The following PSMC1 variants were observed in gnomAD, a reference collection of about 807,000 sequenced individuals.
The protein encoded by PSMC1 is proteasome 26S subunit, ATPase 1, also known as 26S proteasome regulatory subunit 4.
PSMC1 carries 5 observed loss-of-function variants against 49.8 expected under a neutral mutation model. The ratio of observed to expected loss-of-function variants is 0.10; its 90% CI spans 0.05 to 0.21. The LOEUF (loss-of-function observed/expected upper bound fraction) is 0.21. Among genes scored for constraint, PSMC1 ranks in the 10% least tolerant of loss-of-function variants. PSMC1 has a pLI of 1.00. For synonymous variants in PSMC1, 155 were observed against 192.1 expected (o/e 0.81, Z 1.60); for missense variants, 181 against 535.7 (o/e 0.34, Z 6.54).
chr14:90,264,296 C>T (rs1009371159), intron 6 of PSMC1, 127 bp downstream of exon 6: 11 of 1,309,418 alleles, frequency 8.4e-6, no homozygotes, highest in African/African-American at 1.5e-5. Flanking sequence ...TCAGAGCTTG[C>T]CAGTTGTGGT....
intron 10 of PSMC1, 191 bp downstream of exon 10, chr14:90,270,543 A>T: frequency 1.7e-6 from 1 of 599,634 alleles, no homozygotes; most frequent in Non-Finnish European, 2.7e-6. Context: ...GCATCATTTT[A>T]TGCAGTGAAT....
chr14:90,267,979 T>C, intron 7 of PSMC1: 1 of 386,502 alleles, frequency 2.6e-6, no homozygotes. Context: ...TAAAAAGTAT[T>C]TTCTGACGTT....
At chr14:90,269,316 C>T in intron 8 of PSMC1, 81 bp from the exon 9 acceptor site, 1 of 1,253,328 alleles carries the variant, frequency 8.0e-7, no homozygotes, top group Non-Finnish European at 1.1e-6. Context: ...GGTGTTTTGT[C>T]ACAATGAGGT....
intron 1 of PSMC1, 104 bp downstream of exon 1, chr14:90,256,704 C>A: frequency 6.6e-7 from 1 of 1,508,078 alleles, no homozygotes; most frequent in Non-Finnish European, 9.0e-7. Flanking sequence ...TGGGACAGCC[C>A]TCTTCTCCTT....
Position 90,274,241 on chromosome 14 carries a change from G to C in PSMC1, c.*1834G>C, listed in dbSNP as rs1253712570. Reference sequence around the variant, plus strand: ...GGCAGGGTGAGGCTGGCATCCGTGTGGGGTGTATGTGCAGGGCTGGGGTGG... The same window carrying C: ...GGCAGGGTGAGGCTGGCATCCGTGTCGGGTGTATGTGCAGGGCTGGGGTGG... On this transcript the variant is annotated 3_prime_UTR_variant, in exon 11 of 11. Transcript: ENST00000261303. 1 of 155,792 alleles carries C rather than the reference G, an allele frequency of 6.4e-6. No homozygotes were observed. The highest frequency in any genetic ancestry group is 2.4e-5 in the African/African-American group (1 of 41,532). The allele number at this position is 155,792 out of a possible 1,614,324, so 9.7% of individuals were successfully genotyped here. A position where few individuals can be genotyped will look rare whatever the true frequency, so the allele number is the denominator to read the frequency against.
chr14:90,263,713 A>G lies in PSMC1; in HGVS notation c.331A>G (p.Thr111Ala). ...GAGGGGGACCCCGATGTCAGTAGGA[A>G]CCTTGGAAGAGATCATTGATGACAA... Reference protein sequence around the residue: ...DLRGTPMSVGTLEEIIDDNHA... With the variant: ...DLRGTPMSVGALEEIIDDNHA... Residue 111 changes from threonine (T) to alanine (A), a missense_variant, in exon 5 of 11, where the codon ACC (threonine) becomes GCC (alanine). By Grantham distance (58) the Thr-to-Ala change is moderately conservative (BLOSUM62 0). Transcript: ENST00000261303. 6.2e-7 allele frequency: 1 copy of G among 1,613,456 alleles called. No individual in the cohort carries two copies. Among genetic ancestry groups the G allele is most frequent in the Non-Finnish European group, 8.5e-7 (1 of 1,179,438 alleles).
intron 6 of PSMC1, among the ~76,000 whole-genome samples, chr14:90,264,791 G>T (rs1439143851): frequency 6.6e-6 from 1 of 152,166 alleles, no homozygotes; most frequent in East Asian, 1.9e-4. Context: ...GCTTTATTAA[G>T]TCTCTCTTGC....
intron 8 of PSMC1, chr14:90,268,644 G>C (rs1188101626): frequency 1.5e-5 from 7 of 465,666 alleles, no homozygotes; most frequent in Non-Finnish European, 2.7e-5. Flanking sequence ...TTGAGCACCC[G>C]CCCTGATCCA....
In PSMC1 at chr14:90,272,050, C is replaced by T; in HGVS notation, c.1189-223C>T. ...TAGGATTACAGGTGCCTGCCACCGTCCCTGGCTAACTTTTTGTATTTTTAG... is the reference window on the plus strand; with the variant it reads ...TAGGATTACAGGTGCCTGCCACCGTTCCTGGCTAACTTTTTGTATTTTTAG... On this transcript the variant is annotated intron_variant, in intron 10 of 10. Coordinates refer to ENST00000261303, the MANE Select transcript of PSMC1 (RefSeq NM_002802.3). This position sits in a 1 kb window ranked among gnomAD's most constrained non-coding sequence, Gnocchi z 4.5. 1 of 358,372 alleles carries T rather than the reference C, an allele frequency of 2.8e-6. No individual in the cohort carries two copies. Among genetic ancestry groups the T allele is most frequent in the Admixed American group, 4.9e-5 (1 of 20,546 alleles). The allele number at this position is 358,372 out of a possible 1,614,324, so 22.2% of individuals were successfully genotyped here.
intron 7 of PSMC1, among the ~76,000 whole-genome samples, chr14:90,265,688 CAA>C (rs35151204): frequency 1.1e-3 from 108 of 94,072 alleles, no homozygotes; most frequent in Admixed American, 2.0e-3. Context: ...GACTACATCT[CAA>C]AAAAAAAAAA....
intron 9 of PSMC1, 25 bp downstream of exon 9, chr14:90,269,573 TG>T (rs1224613775): frequency 6.2e-7 from 1 of 1,608,542 alleles, no homozygotes; most frequent in Non-Finnish European, 8.5e-7. Context: ...GGTTTCATCA[TG>T]GAGATTAATG....
Position 90,256,587 on chromosome 14 carries a change from G to T in PSMC1, c.-11G>T. On this transcript the variant is annotated 5_prime_UTR_variant, in exon 1 of 11. Transcript: ENST00000261303. ...ACTTCCGGCAGCGGCAGCTCAAGTG[G>T]CCAAGGCAAGATGGTGAGTGACTAA... 2 of 1,588,328 alleles carry T rather than the reference G, an allele frequency of 1.3e-6. No homozygotes were observed. Among genetic ancestry groups the T allele is most frequent in the Non-Finnish European group, 1.7e-6 (2 of 1,167,290 alleles).
At chr14:90,257,039 G>A (rs1447029710) in intron 1 of PSMC1, among the ~76,000 whole-genome samples, 3 of 152,186 alleles carry the variant, frequency 2.0e-5, no homozygotes, top group Non-Finnish European at 4.4e-5. Context: ...AGTTGAGCGC[G>A]GAGTCGTGGA....
At chr14:90,263,116 C>A (rs55962513) in intron 3 of PSMC1, among the ~76,000 whole-genome samples, 15 of 151,976 alleles carry the variant, frequency 9.9e-5, no homozygotes, top group African/African-American at 2.7e-4. Context: ...GGTCATAAAC[C>A]CCATCCCCAT....
rs755783747 is a variant in PSMC1 at position 90,268,433 on chromosome 14, T to C, written c.881+20T>C. On this transcript the variant is annotated intron_variant, in intron 8 of 10. Transcript: ENST00000261303. ...AAAAAGGTAGACTTTCTCATACTTATTTTGCCTTGTTTAGTAGGGAACACC... is the reference window on the plus strand; with the variant it reads ...AAAAAGGTAGACTTTCTCATACTTACTTTGCCTTGTTTAGTAGGGAACACC... 18 of 1,612,540 alleles carry C rather than the reference T, an allele frequency of 1.1e-5. No homozygotes were observed. Among genetic ancestry groups the C allele is most frequent in the Admixed American group, 1.7e-5 (1 of 59,936 alleles).
chr14:90,259,018 T>G (rs1482648160), intron 1 of PSMC1, 142 bp from the exon 2 acceptor site: 10 of 666,870 alleles, frequency 1.5e-5, no homozygotes, highest in Admixed American at 3.7e-5. Flanking sequence ...CTGCAAGTAT[T>G]ACATCTTGGG....
rs1891683059 is a variant in PSMC1 at position 90,272,060 on chromosome 14, C to T, written c.1189-213C>T. On this transcript the variant is annotated intron_variant, in intron 10 of 10. Transcript: ENST00000261303. The surrounding 1 kb of genome is among the most constrained non-coding windows in gnomAD (Gnocchi z 4.5). Reference sequence around the variant, plus strand: ...GGTGCCTGCCACCGTCCCTGGCTAACTTTTTGTATTTTTAGTAGAGATGGG... The same window carrying T: ...GGTGCCTGCCACCGTCCCTGGCTAATTTTTTGTATTTTTAGTAGAGATGGG... 2 of 376,882 alleles carry T rather than the reference C, an allele frequency of 5.3e-6. No homozygotes were observed. Among genetic ancestry groups the T allele is most frequent in the African/African-American group, 2.2e-5 (1 of 45,920 alleles). The allele number at this position is 376,882 out of a possible 1,614,324, so 23.3% of individuals were successfully genotyped here.
In PSMC1 at chr14:90,259,226, G is replaced by C; in HGVS notation, c.57+13G>C. The stretch of plus-strand genomic sequence containing the variant: ...GAAGGATGACAAGGTAAATATGCCA[G>C]ATTTGTCCTGTGATATGAGCAAATT... On this transcript the variant is annotated intron_variant, in intron 2 of 10. Transcript: ENST00000261303. 1 of 1,613,406 alleles carries C rather than the reference G, an allele frequency of 6.2e-7. No homozygotes were observed. The highest frequency in any genetic ancestry group is 8.5e-7 in the Non-Finnish European group (1 of 1,179,496).
chr14:90,260,104 A>G lies in PSMC1; in HGVS notation c.58-11A>G, dbSNP rs186054577. 719 of 1,523,422 alleles carry G rather than the reference A, an allele frequency of 4.7e-4. 8 individuals carry two copies. In the African/African-American group the frequency reaches 8.6e-3, roughly 18 times the overall value. The allele number at this position is 1,523,422 out of a possible 1,614,324, so 94.4% of individuals were successfully genotyped here. A position where few individuals can be genotyped will look rare whatever the true frequency, so the allele number is the denominator to read the frequency against. On this transcript the variant is annotated splice_polypyrimidine_tract_variant and intron_variant, in intron 2 of 10. Transcript: ENST00000261303. Reference sequence around the variant, plus strand: ...TGTGATTTTTTTTTCCTGCTATTCTAACAACTCAAGGACAAGAAAAAGAAA... The same window carrying G: ...TGTGATTTTTTTTTCCTGCTATTCTGACAACTCAAGGACAAGAAAAAGAAA...
Sources: allele counts gnomAD v4.1 joint callset (sites outside exome capture counted in the v4.1 genomes callset), GRCh38; gene constraint gnomAD v4.1.1; non-coding constraint Gnocchi (gnomAD v3.1); transcripts MANE v1.5; gene names NCBI Gene and HGNC (gene_info 2026-07-23, HGNC 2026-07-21).